Variants in TRAK1 observed in about 807,000 individuals in gnomAD.
TRAK1 encodes trafficking kinesin-binding protein 1.
Under a neutral mutation model 92.1 loss-of-function variants are expected in TRAK1, and 33 were observed. That is an observed-to-expected ratio of 0.36 (90% CI 0.27 to 0.48). TRAK1 has a LOEUF of 0.48. TRAK1 is among the 20% of genes least tolerant of loss of function. The pLI is 0.99. For missense variants in TRAK1, 1,123 were observed against 1,257.9 expected (o/e 0.89, Z 1.62); for synonymous variants, 521 against 517.3 (o/e 1.01, Z -0.10).
chr3:42,094,471 G>A (rs1259437152), intron 1 of TRAK1, among the ~76,000 whole-genome samples: 1 of 151,938 alleles, frequency 6.6e-6, no homozygotes, highest in East Asian at 1.9e-4. Flanking sequence ...TGAACTCCTG[G>A]GCTCAAGTGA....
At chr3:42,065,784 C>A (rs1316314754) in intron 1 of TRAK1, among the ~76,000 whole-genome samples, 1 of 151,976 alleles carries the variant, frequency 6.6e-6, no homozygotes, top group Non-Finnish European at 1.5e-5. Context: ...CGTGTACCAC[C>A]ACACCTGTCT....
rs1335600257 is a variant in TRAK1, at chr3:42,049,198, A to AT, written c.-519+35082dup. Among the ~76,000 whole-genome samples, 3 of 152,328 alleles carry AT rather than the reference A, an allele frequency of 2.0e-5. No homozygotes were observed. The East Asian group carries it at 5.8e-4, about 29-fold the overall frequency. ...GGGATGTTATTTTTATTCTGCTCCC[A>AT]TGCTTGACTGCTGGTTGAAATGGAT... On this transcript the variant is annotated intron_variant, in intron 1 of 16. Coordinates refer to the TRAK1 transcript ENST00000487159.
chr3:42,195,182 T>A (rs779907674), intron 10 of TRAK1, among the ~76,000 whole-genome samples: 1 of 152,256 alleles, frequency 6.6e-6, no homozygotes, highest in South Asian at 2.1e-4. Context: ...CATTAAAAGA[T>A]AAATTTAGTA....
At chr3:42,045,192 A>G (rs1210001540) in intron 1 of TRAK1, among the ~76,000 whole-genome samples, 1 of 152,168 alleles carries the variant, frequency 6.6e-6, no homozygotes, top group African/African-American at 2.4e-5. Flanking sequence ...TGTGGGAACT[A>G]TTTGAGGGTA....
At chr3:42,117,586 A>T (rs1709322144) in intron 1 of TRAK1, among the ~76,000 whole-genome samples, 1 of 152,000 alleles carries the variant, frequency 6.6e-6, no homozygotes, top group Admixed American at 6.6e-5. Context: ...CCTTCTAGAC[A>T]GCTCTTCTGC....
At chr3:42,102,527 T>C (rs1706928388) in intron 1 of TRAK1, among the ~76,000 whole-genome samples, 2 of 152,218 alleles carry the variant, frequency 1.3e-5, no homozygotes, top group Admixed American at 1.3e-4. Flanking sequence ...GGTTCTTGTC[T>C]CATGACCAGG....
chr3:42,202,671 G>C lies in TRAK1; in HGVS notation c.1663G>C (p.Glu555Gln). 6.2e-7 allele frequency: 1 copy of C among 1,613,502 alleles called. No individual in the cohort carries two copies. The highest frequency in any genetic ancestry group is 8.5e-7 in the Non-Finnish European group (1 of 1,179,596). Residue 555 changes from glutamate to glutamine, a missense_variant, in exon 13 of 16, where the codon GAG (glutamate) becomes CAG (glutamine). Glu to Gln is a conservative substitution (Grantham distance 29). This residue lies in a region of TRAK1 where 686 missense variants were observed against 747.6 expected (regional missense o/e 0.92). Coordinates refer to ENST00000327628, the MANE Select transcript of TRAK1 (RefSeq NM_001042646.3). The surrounding 1 kb of genome is among the most constrained non-coding windows in gnomAD (Gnocchi z 6.1). ...MSLGTHSRFS[E>Q]FTGFSGMSFS... The stretch of plus-strand genomic sequence containing the variant: ...CCTGGGCACGCACTCCCGCTTCTCC[G>C]AGTTCACCGGCTTCTCTGGCATGTC...
At chr3:42,016,644 TCTC>T (rs1285939988) in intron 1 of TRAK1, among the ~76,000 whole-genome samples, 1 of 152,212 alleles carries the variant, frequency 6.6e-6, no homozygotes, top group Non-Finnish European at 1.5e-5. Context: ...CCTTGGGCAT[TCTC>T]CTCTCCGTCA....
At chr3:42,180,065 A>T (rs1703784578) in intron 3 of TRAK1, among the ~76,000 whole-genome samples, 1 of 152,168 alleles carries the variant, frequency 6.6e-6, no homozygotes, top group African/African-American at 2.4e-5. Context: ...AGAAGTAAAC[A>T]TTAATCATAT....
chr3:42,220,603 G>A (rs1385576536), intron 15 of TRAK1: 7 of 985,188 alleles, frequency 7.1e-6, no homozygotes, highest in Non-Finnish European at 7.2e-6. Context: ...TGAGCACACC[G>A]CCAGCAGTGC....
intron 1 of TRAK1, among the ~76,000 whole-genome samples, chr3:42,027,211 T>C (rs1227120378): frequency 1.3e-5 from 2 of 152,194 alleles, no homozygotes; most frequent in Non-Finnish European, 2.9e-5. Flanking sequence ...TGGCCACAAC[T>C]GTCAGAAGTA....
intron 1 of TRAK1, among the ~76,000 whole-genome samples, chr3:42,022,461 C>T (rs1418785383): frequency 1.3e-5 from 2 of 152,150 alleles, no homozygotes; most frequent in Admixed American, 1.3e-4. Flanking sequence ...GCAGCTCACG[C>T]CTGTAATGCC....
chr3:42,123,564 G>A (rs967052874), intron 1 of TRAK1, among the ~76,000 whole-genome samples: 2 of 152,262 alleles, frequency 1.3e-5, no homozygotes, highest in Non-Finnish European at 2.9e-5. Context: ...ACGCATGTGC[G>A]AGTGAATGCT....
intron 1 of TRAK1, among the ~76,000 whole-genome samples, chr3:42,047,926 T>C (rs1224320996): frequency 1.4e-4 from 21 of 149,774 alleles, no homozygotes; most frequent in Non-Finnish European, 2.5e-4. Context: ...TCTTTTCTTT[T>C]TTTTTTTTTT....
At chr3:42,050,307 C>G (rs2148912859) in intron 1 of TRAK1, among the ~76,000 whole-genome samples, 1 of 152,292 alleles carries the variant, frequency 6.6e-6, no homozygotes, top group East Asian at 1.9e-4. Context: ...TTTCTCTGAT[C>G]AGTTTCTGCT....
intron 2 of TRAK1, among the ~76,000 whole-genome samples, chr3:42,171,973 CT>C (rs1702616863): frequency 6.6e-6 from 1 of 152,222 alleles, no homozygotes; most frequent in African/African-American, 2.4e-5. Context: ...TCCATCCCCC[CT>C]CTCCGTCCCC....
At chr3:42,023,079 A>G (rs1701780190) in intron 1 of TRAK1, among the ~76,000 whole-genome samples, 2 of 149,738 alleles carry the variant, frequency 1.3e-5, no homozygotes, top group African/African-American at 4.9e-5. Flanking sequence ...AATGGCGTGA[A>G]CACGGGAGGC....
intron 14 of TRAK1, among the ~76,000 whole-genome samples, chr3:42,216,506 A>C (rs1305573220): frequency 6.6e-6 from 1 of 152,052 alleles, no homozygotes; most frequent in Non-Finnish European, 1.5e-5. Flanking sequence ...AGTGGTTCTC[A>C]CTCTTGCAAA....
Position 42,102,038 on chromosome 3 carries a change from T to C in TRAK1, c.91+10478T>C, listed in dbSNP as rs560765646. Among the ~76,000 whole-genome samples the C allele has an allele frequency of 2.0e-5, 3 of 152,352 alleles. No individual in the cohort carries two copies. The East Asian group carries it at 5.8e-4, about 29-fold the overall frequency. On this transcript the variant is annotated intron_variant, in intron 1 of 15. Coordinates refer to ENST00000327628, the MANE Select transcript of TRAK1 (RefSeq NM_001042646.3). ...TCTCACTCTATCACCTAGGCTGGAG[T>C]GTAGTGATGCCATCTCAGCTCACTG...
Sources: gnomAD v4.1 joint callset for allele counts (sites outside exome capture counted in the v4.1 genomes callset) on GRCh38, gnomAD v4.1.1 for gene constraint, gnomAD v4.1.1 regional missense constraint, Gnocchi (gnomAD v3.1) non-coding constraint, MANE v1.5 for transcripts, NCBI Gene and HGNC (gene_info 2026-07-23, HGNC 2026-07-21) for gene names.